LRRC72: variants seen among roughly 807,000 people sequenced by gnomAD.
LRRC72 encodes leucine rich repeat containing 72.
In LRRC72, 41 loss-of-function variants were observed where a neutral mutation model predicts 35.8. The observed-to-expected ratio is 1.15, with a 90% confidence interval of 0.89 to 1.49. The LOEUF is 1.49. LRRC72 is among the 40% of genes most tolerant of loss of function. The pLI is 0.00. For missense variants in LRRC72, 389 were observed against 330.7 expected (o/e 1.18, Z -1.37); for synonymous variants, 118 against 119.2 (o/e 0.99, Z 0.07).
At chr7:16,555,339 A>C (rs1157451836) in intron 3 of LRRC72, among the ~76,000 whole-genome samples, 1 of 152,254 alleles carries the variant, frequency 6.6e-6, no homozygotes, top group African/African-American at 2.4e-5. Flanking sequence ...CAAACTTCGA[A>C]TACAAATCTA....
chr7:16,558,101 T>A (rs6956385), intron 4 of LRRC72, among the ~76,000 whole-genome samples: 35,629 of 152,066 alleles, frequency 0.23, 5,049 homozygotes, highest in African/African-American at 0.37. Context: ...CAATTTACAA[T>A]CTATGAAAAT....
chr7:16,551,206 C>A (rs1782542561), intron 3 of LRRC72, among the ~76,000 whole-genome samples: 1 of 152,088 alleles, frequency 6.6e-6, no homozygotes, highest in Non-Finnish European at 1.5e-5. Flanking sequence ...CATGAAGACA[C>A]CAGAACCAAA....
intron 7 of LRRC72, among the ~76,000 whole-genome samples, chr7:16,575,940 G>C (rs1221392918): frequency 6.6e-6 from 1 of 152,122 alleles, no homozygotes; most frequent in African/African-American, 2.4e-5. Context: ...TAACCAGATT[G>C]CTGGAAGAAC....
Position 16,532,526 on chromosome 7 carries a change from A to G in LRRC72, c.122A>G (p.His41Arg). Reference protein sequence around the residue: ...AVEDQLKICGHRRDADVFELF... With the variant: ...AVEDQLKICGRRRDADVFELF... ...GAAGATCAGCTAAAGATATGTGGCC[A>G]CAGGAGGGATGCTGATGTCTTTGAG... The change falls in exon 2 of 9, where the codon CAC (histidine) becomes CGC (arginine). Residue 41 changes from histidine to arginine, a missense_variant. By Grantham distance (29) the His-to-Arg change is conservative. Transcript: ENST00000401542. The G allele has an allele frequency of 6.5e-7, 1 of 1,550,262 alleles. No individual in the cohort carries two copies. Among genetic ancestry groups the G allele is most frequent in the Non-Finnish European group, 8.7e-7 (1 of 1,146,578 alleles).
chr7:16,533,278 T>G (rs561649523), intron 2 of LRRC72, among the ~76,000 whole-genome samples: 1 of 152,252 alleles, frequency 6.6e-6, no homozygotes, highest in East Asian at 1.9e-4. Flanking sequence ...CAGACCACTT[T>G]GATTCCACTC....
At chr7:16,558,441 C>T (rs1381147049) in intron 4 of LRRC72, among the ~76,000 whole-genome samples, 1 of 152,094 alleles carries the variant, frequency 6.6e-6, no homozygotes, top group Non-Finnish European at 1.5e-5. Context: ...AAACCCCCGT[C>T]TCTACTAAAA....
chr7:16,535,427 C>T (rs1782237198), intron 2 of LRRC72, among the ~76,000 whole-genome samples: 1 of 152,054 alleles, frequency 6.6e-6, no homozygotes, highest in Non-Finnish European at 1.5e-5. Context: ...ATGTTCATTA[C>T]AGAAGAATAG....
At chr7:16,550,827 G>C (rs1782536171) in intron 3 of LRRC72, among the ~76,000 whole-genome samples, 1 of 152,084 alleles carries the variant, frequency 6.6e-6, no homozygotes, top group African/African-American at 2.4e-5. Flanking sequence ...TTGTAATTTT[G>C]GTTAAATCAA....
At chr7:16,528,837 T>C (rs2128333963) in intron 1 of LRRC72, among the ~76,000 whole-genome samples, 1 of 152,276 alleles carries the variant, frequency 6.6e-6, no homozygotes, top group East Asian at 1.9e-4. Flanking sequence ...TTCTGTGCTT[T>C]CAGGGTACCA....
intron 3 of LRRC72, among the ~76,000 whole-genome samples, chr7:16,541,214 A>G (rs1469164057): frequency 6.6e-6 from 1 of 152,214 alleles, no homozygotes; most frequent in Non-Finnish European, 1.5e-5. Flanking sequence ...TCAAAAATTC[A>G]TCTTCCGACA....
At chr7:16,529,827 T>C (rs1163080100) in intron 1 of LRRC72, among the ~76,000 whole-genome samples, 1 of 152,214 alleles carries the variant, frequency 6.6e-6, no homozygotes, top group Non-Finnish European at 1.5e-5. Context: ...ATTCTATGGC[T>C]AAAATTTTTA....
chr7:16,543,650 G>C (rs187448136), intron 3 of LRRC72, among the ~76,000 whole-genome samples: 1 of 152,312 alleles, frequency 6.6e-6, no homozygotes, highest in South Asian at 2.1e-4. Flanking sequence ...CAGGTGATTA[G>C]TCACTGAACA....
At chr7:16,573,480 A>G (rs982768620) in intron 7 of LRRC72, among the ~76,000 whole-genome samples, 1 of 152,208 alleles carries the variant, frequency 6.6e-6, no homozygotes, top group African/African-American at 2.4e-5. Flanking sequence ...AACAGAACAG[A>G]GGCCTCAGAA....
At chr7:16,571,362 G>A (rs1782940601) in intron 7 of LRRC72, among the ~76,000 whole-genome samples, 1 of 152,082 alleles carries the variant, frequency 6.6e-6, no homozygotes, top group Admixed American at 6.5e-5. Flanking sequence ...CATCAACACA[G>A]ATATTAAGTC....
intron 3 of LRRC72, among the ~76,000 whole-genome samples, 198 bp from the exon 4 acceptor site, chr7:16,557,162 C>T (rs1782663274): frequency 6.6e-6 from 1 of 152,194 alleles, no homozygotes; most frequent in Non-Finnish European, 1.5e-5. Context: ...ATATTCTTTT[C>T]ATCACATTCT....
intron 2 of LRRC72, among the ~76,000 whole-genome samples, chr7:16,533,858 G>A (rs571137748): frequency 1.3e-5 from 2 of 152,272 alleles, no homozygotes; most frequent in African/African-American, 2.4e-5. Context: ...ATATAGGTCA[G>A]TTAGTTTTAA....
At chr7:16,543,800 GAACT>G (rs1782399805) in intron 3 of LRRC72, among the ~76,000 whole-genome samples, 1 of 152,174 alleles carries the variant, frequency 6.6e-6, no homozygotes, top group Non-Finnish European at 1.5e-5. Context: ...GTGAAGGCAG[GAACT>G]AACTATCCTA....
At chr7:16,538,942 C>A in intron 3 of LRRC72, among the ~76,000 whole-genome samples, 1 of 152,186 alleles carries the variant, frequency 6.6e-6, no homozygotes, top group East Asian at 1.9e-4. Context: ...ATTACCCAGT[C>A]TTGGGGAGTT....
intron 5 of LRRC72, among the ~76,000 whole-genome samples, chr7:16,565,565 T>C (rs1431202533): frequency 6.6e-6 from 1 of 152,188 alleles, no homozygotes; most frequent in Non-Finnish European, 1.5e-5. Context: ...CAACTTCTAG[T>C]TGAGGATGTT....
Sources: allele counts gnomAD v4.1 joint callset (sites outside exome capture counted in the v4.1 genomes callset), GRCh38; gene constraint gnomAD v4.1.1; transcripts MANE v1.5; gene names NCBI Gene and HGNC (gene_info 2026-07-23, HGNC 2026-07-21).